Variants in STK33 observed in about 807,000 individuals in gnomAD.
STK33 encodes serine/threonine kinase 33.
In STK33, 52 loss-of-function variants were observed where a neutral mutation model predicts 58.0. The observed-to-expected ratio is 0.90, with a 90% CI of 0.72 to 1.13. STK33 has a LOEUF of 1.13. Ranked by LOEUF, STK33 falls within the 50% of genes most tolerant of loss-of-function variation. STK33 has a pLI of 0.00. For synonymous variants in STK33, 215 were observed against 200.1 expected, an observed-to-expected ratio of 1.07 and a Z score of -0.63; for missense variants, 630 against 604.2, an observed-to-expected ratio of 1.04 and a Z score of -0.45.
intron 1 of STK33, among the ~76,000 whole-genome samples, chr11:8,559,930 A>G (rs1311237591): frequency 6.6e-6 from 1 of 152,124 alleles, no homozygotes; most frequent in African/African-American, 2.4e-5. Context: ...TCTAAATATT[A>G]TAGCCTAACC....
chr11:8,394,512 T>A (rs1287560162), intron 15 of STK33, among the ~76,000 whole-genome samples: 1 of 152,242 alleles, frequency 6.6e-6, no homozygotes, highest in African/African-American at 2.4e-5. Context: ...TTTCCTTTAA[T>A]GTGCTTATAT....
chr11:8,366,461 T>A, the STK33 span, among the ~76,000 whole-genome samples: 1 of 151,772 alleles, frequency 6.6e-6, no homozygotes, highest in Non-Finnish European at 1.5e-5. Flanking sequence ...ACAGAAGGGG[T>A]GGGAGAGCAC....
Position 8,474,657 on chromosome 11 carries a change from AGATGTGGAATCTTT to A in STK33, c.225+10_225+23del. ...GGGAACGGGATGTCAACTTGTGCTT[AGATGTGGAATCTTT>A]GATATTTACCAAATCTTTCCTGGAG... On this transcript the variant is annotated intron_variant, in intron 5 of 15. Transcript: ENST00000687296. 6.4e-7 allele frequency: 1 copy of A among 1,554,498 alleles called. No homozygotes were observed. Among genetic ancestry groups the A allele is most frequent in the Non-Finnish European group, 8.8e-7 (1 of 1,142,176 alleles).
chr11:8,528,032 G>A (rs1377648668), intron 1 of STK33, among the ~76,000 whole-genome samples: 2 of 152,172 alleles, frequency 1.3e-5, no homozygotes, highest in Non-Finnish European at 2.9e-5. Context: ...TCAGGTCCAT[G>A]TAAGTATAAT....
chr11:8,444,644 G>A (rs1373464350), intron 11 of STK33, among the ~76,000 whole-genome samples: 2 of 152,148 alleles, frequency 1.3e-5, no homozygotes, highest in South Asian at 2.1e-4. Flanking sequence ...AAAATAATAA[G>A]TAAACATAAT....
intron 1 of STK33, among the ~76,000 whole-genome samples, chr11:8,504,798 TA>T (rs949487029): frequency 6.6e-6 from 1 of 151,330 alleles, no homozygotes; most frequent in Non-Finnish European, 1.5e-5. Context: ...ACCCTGTCCC[TA>T]AAAAAAAGGA....
intron 15 of STK33, among the ~76,000 whole-genome samples, chr11:8,411,885 A>G (rs1034872244): frequency 3.3e-5 from 5 of 152,204 alleles, no homozygotes; most frequent in Non-Finnish European, 7.3e-5. Context: ...AACAATTCAA[A>G]TTCCAATTCT....
intron 1 of STK33, among the ~76,000 whole-genome samples, chr11:8,523,740 T>TG (rs1217655651): frequency 1.4e-5 from 2 of 146,044 alleles, no homozygotes; most frequent in African/African-American, 2.6e-5. Flanking sequence ...GTCTGGGAGG[T>TG]GGGGGGCGCC....
At chr11:8,336,850 T>C in the STK33 span, among the ~76,000 whole-genome samples, 1 of 152,226 alleles carries the variant, frequency 6.6e-6, no homozygotes, top group Non-Finnish European at 1.5e-5. Context: ...GCCAGTGCTC[T>C]GCAGGCAGGG....
intron 6 of STK33, among the ~76,000 whole-genome samples, chr11:8,469,664 A>G (rs1286967567): frequency 6.6e-6 from 1 of 152,238 alleles, no homozygotes; most frequent in Admixed American, 6.5e-5. Context: ...AGGAATCACT[A>G]TCTGTGGCAG....
rs139827410 is a variant in STK33 at position 8,568,550 on chromosome 11, A to G, written c.-466+25533T>C. Among the ~76,000 whole-genome samples the G allele has an allele frequency of 2.4e-4, 37 of 152,322 alleles. No homozygotes were observed. In the East Asian group the frequency reaches 6.2e-3, roughly 25 times the overall value. On this transcript the variant is annotated intron_variant, in intron 1 of 15. Coordinates refer to ENST00000687296, the MANE Select transcript of STK33 (RefSeq NM_001352389.2). ...TCAATAAGTGTGGTGCTATTAAAGC[A>G]TGTATTTCAAGATAACAGCAAAAAT...
intron 1 of STK33, among the ~76,000 whole-genome samples, chr11:8,557,844 A>G (rs1591788256): frequency 6.6e-6 from 1 of 152,192 alleles, no homozygotes. Flanking sequence ...GTTTATACCT[A>G]TGTACTTACT....
At chr11:8,576,518 C>A (rs1958195307) in intron 1 of STK33, among the ~76,000 whole-genome samples, 1 of 152,178 alleles carries the variant, frequency 6.6e-6, no homozygotes, top group African/African-American at 2.4e-5. Context: ...ATATATGCCA[C>A]AAATTTCATC....
At chr11:8,429,899 C>T (rs899116457) in intron 14 of STK33, among the ~76,000 whole-genome samples, 3 of 152,206 alleles carry the variant, frequency 2.0e-5, no homozygotes, top group Non-Finnish European at 2.9e-5. Flanking sequence ...CTAGATTCAA[C>T]TGAGATTCAG....
At chr11:8,377,103 G>C in the STK33 span, among the ~76,000 whole-genome samples, 2 of 152,126 alleles carry the variant, frequency 1.3e-5, no homozygotes, top group African/African-American at 4.8e-5. Flanking sequence ...GTGCCCCTTT[G>C]CACCTTGTAC....
intron 1 of STK33, among the ~76,000 whole-genome samples, chr11:8,500,262 T>C (rs1951413525): frequency 6.6e-6 from 1 of 151,850 alleles, no homozygotes; most frequent in Admixed American, 6.6e-5. Context: ...AAGAAAAAAT[T>C]ATCTCTATTT....
At chr11:8,346,691 T>C in the STK33 span, among the ~76,000 whole-genome samples, 44 of 152,214 alleles carry the variant, frequency 2.9e-4, no homozygotes, top group African/African-American at 1.1e-3. Context: ...ACTTACCAGC[T>C]ACATGAGGCG....
intron 1 of STK33, among the ~76,000 whole-genome samples, chr11:8,586,808 A>T (rs2031722278): frequency 7.3e-6 from 1 of 137,116 alleles, no homozygotes; most frequent in Admixed American, 7.9e-5. Context: ...TGGGTGACAG[A>T]GCAAGACTCT....
chr11:8,374,794 T>C, the STK33 span, among the ~76,000 whole-genome samples: 1 of 152,176 alleles, frequency 6.6e-6, no homozygotes, highest in Non-Finnish European at 1.5e-5. Flanking sequence ...GTGTTTCAAT[T>C]ACCTCGCTGT....
Sources: gnomAD v4.1 joint callset for allele counts (sites outside exome capture counted in the v4.1 genomes callset) on GRCh38, gnomAD v4.1.1 for gene constraint, MANE v1.5 for transcripts, NCBI Gene and HGNC (gene_info 2026-07-23, HGNC 2026-07-21) for gene names.